ARHGEF19: variants seen among roughly 807,000 people sequenced by gnomAD.
ARHGEF19 encodes Rho guanine nucleotide exchange factor 19, also known as Rho guanine nucleotide exchange factor (GEF) 19.
Under a neutral mutation model 87.6 loss-of-function variants are expected in ARHGEF19, and 92 were observed. That is an observed-to-expected ratio of 1.05 (90% CI 0.89 to 1.25). The LOEUF is 1.25. ARHGEF19 is among the 50% of genes most tolerant of loss of function. ARHGEF19 has a pLI of 0.00. For synonymous variants in ARHGEF19, 438 were observed against 446.2 expected (o/e 0.98, Z 0.23); for missense variants, 1,054 against 1,051.8 (o/e 1.00, Z -0.03).
In ARHGEF19 at chr1:16,208,926, C is replaced by A; in HGVS notation, c.129G>T (p.Pro43=). The change falls in exon 2 of 16, where the codon CCG becomes CCT. Residue 43 remains proline (P), a synonymous_variant. Transcript: ENST00000270747. ...GGAAAAGGTCCAGACACACTGGGCTCGGGGGCTTCAGGGCGGGCAGCTCTG... is the reference window on the plus strand; with the variant it reads ...GGAAAAGGTCCAGACACACTGGGCTAGGGGGCTTCAGGGCGGGCAGCTCTG... ...SFAELPALKP[P]SPVCLDLFPV... 6.3e-7 allele frequency: 1 copy of A among 1,585,858 alleles called. No individual in the cohort carries two copies. The highest frequency in any genetic ancestry group is 1.1e-5 in the South Asian group (1 of 88,542).
At position 16,203,087 on chromosome 1, in the gene ARHGEF19, G is replaced by A. The variant is rs559479889; in HGVS notation, c.1908-513C>T. Among the ~76,000 whole-genome samples the A allele has an allele frequency of 5.3e-5, 8 of 152,158 alleles. No individual in the cohort carries two copies. In the South Asian group the frequency reaches 1.5e-3, roughly 28 times the overall value. On this transcript the variant is annotated intron_variant, in intron 12 of 15. Transcript: ENST00000270747. ...CTCTCTTCCAGTATATAAGCCCCAC[G>A]AAGGCTGAGCCTCGTCTCTTTGCCA... is the stretch of plus-strand genomic sequence containing the variant.
chr1:16,208,646 C>A lies in ARHGEF19; in HGVS notation c.409G>T (p.Ala137Ser). 6.2e-7 allele frequency: 1 copy of A among 1,602,310 alleles called. No individual in the cohort carries two copies. Among genetic ancestry groups the A allele is most frequent in the Non-Finnish European group, 8.5e-7 (1 of 1,176,342 alleles). ...CGCCTTCCCCAGGGTGACTCACAGG[C>A]AGACTTCTTCTCCGAGCCGTGGCTG... ...RASHGSEKKS[A>S]WRKMRVYQRE... Residue 137 changes from alanine to serine, a missense_variant, in exon 2 of 16, where the codon GCC becomes TCC. Ala to Ser is a moderately conservative substitution (Grantham distance 99). Transcript: ENST00000270747.
Position 16,207,488 on chromosome 1 carries a change from G to T in ARHGEF19, c.874+34C>A. ...TTTCCACACCGCAGCCCCTTCCTCC[G>T]TTACCTCCTCCCAGGGACCCCCCTC... On this transcript the variant is annotated intron_variant, in intron 5 of 15. Transcript: ENST00000270747. This position sits in a 1 kb window ranked among gnomAD's most constrained non-coding sequence, Gnocchi z 4.0. 1 of 1,610,680 alleles carries T rather than the reference G, an allele frequency of 6.2e-7. No individual in the cohort carries two copies. The highest frequency in any genetic ancestry group is 8.5e-7 in the Non-Finnish European group (1 of 1,177,560).
intron 12 of ARHGEF19, 152 bp downstream of exon 12, chr1:16,204,607 A>T: frequency 1.1e-6 from 1 of 883,668 alleles, no homozygotes; most frequent in Non-Finnish European, 1.6e-6. Context: ...CCTTTGCTTC[A>T]GGAGCCTCCA....
Position 16,208,785 on chromosome 1 carries a change from G to T in ARHGEF19, c.270C>A (p.Thr90=), listed in dbSNP as rs1368098731. The stretch of plus-strand genomic sequence containing the variant: ...CCCTGCTGGGCCGCATCCCCCCGCT[G>T]GTGATCTCTGTATCTGAGCCTCCTG... ...LSPGGSDTEI[T]SGGMRPSRAG... Residue 90 remains threonine, a synonymous_variant, in exon 2 of 16, where the codon ACC becomes ACA. Coordinates refer to ENST00000270747, the MANE Select transcript of ARHGEF19 (RefSeq NM_153213.5). 6.2e-7 allele frequency: 1 copy of T among 1,613,436 alleles called. No homozygotes were observed. Among genetic ancestry groups the T allele is most frequent in the Non-Finnish European group, 8.5e-7 (1 of 1,179,832 alleles).
Position 16,207,248 on chromosome 1 carries a change from C to T in ARHGEF19, c.875-38G>A, listed in dbSNP as rs3738627. 6.8e-6 allele frequency: 10 copies of T among 1,471,560 alleles called. No homozygotes were observed. The Admixed American group carries it at 2.0e-4, about 30-fold the overall frequency. 91.2% of individuals were successfully genotyped at this position (1,471,560 alleles called of 1,614,324 possible). On this transcript the variant is annotated intron_variant, in intron 5 of 15. Transcript: ENST00000270747. The surrounding 1 kb of genome is among the most constrained non-coding windows in gnomAD (Gnocchi z 4.0). The stretch of plus-strand genomic sequence containing the variant: ...CGGGCGGGGGAGAGCGTGGGGCGCC[C>T]GCCAGCCCCTGCCCGGCTTTTCCTC...
Position 16,198,405 on chromosome 1 carries a change from C to T in ARHGEF19, c.*182G>A. The T allele has an allele frequency of 3.4e-6, 2 of 585,778 alleles. No individual in the cohort carries two copies. The highest frequency in any genetic ancestry group is 6.7e-5 in the Admixed American group (2 of 29,698). 36.3% of individuals were successfully genotyped at this position (585,778 alleles called of 1,614,324 possible). Reference sequence around the variant, plus strand: ...GCCTTGAAGTGTGGACACTGAGGAGCATGAGGACGGAGAGACCCTCTGGAG... The same window carrying T: ...GCCTTGAAGTGTGGACACTGAGGAGTATGAGGACGGAGAGACCCTCTGGAG... On this transcript the variant is annotated 3_prime_UTR_variant, in exon 16 of 16. Coordinates refer to ENST00000270747, the MANE Select transcript of ARHGEF19 (RefSeq NM_153213.5). The surrounding 1 kb of genome is among the most constrained non-coding windows in gnomAD (Gnocchi z 4.1).
chr1:16,207,753 C>G lies in ARHGEF19; in HGVS notation c.719G>C (p.Arg240Pro), dbSNP rs777439419. ...CCGGTCCCCGCTCATCTCTACACTT[C>G]GAGCCTCCATTCCAGATGCTTTCCC... The part of the protein sequence containing the change: ...REGKASGMEA[R>P]SVEMSGDRVS... Residue 240 changes from arginine to proline, a missense_variant, in exon 4 of 16, where the codon CGA becomes CCA. Coordinates refer to ENST00000270747, the MANE Select transcript of ARHGEF19 (RefSeq NM_153213.5). The surrounding 1 kb of genome is among the most constrained non-coding windows in gnomAD (Gnocchi z 4.0). The G allele has an allele frequency of 1.9e-6, 3 of 1,614,036 alleles. No homozygotes were observed. Among genetic ancestry groups the G allele is most frequent in the East Asian group, 2.2e-5 (1 of 44,878 alleles).
At chr1:16,200,095 G>A (rs1357026934) in intron 14 of ARHGEF19, among the ~76,000 whole-genome samples, 1 of 152,180 alleles carries the variant, frequency 6.6e-6, no homozygotes, top group Non-Finnish European at 1.5e-5. Flanking sequence ...CCCCACCCAG[G>A]TGGGACTCCT....
chr1:16,207,116 G>GC lies in ARHGEF19; in HGVS notation c.968dup (p.Ala324ArgfsTer60). ...GCGGCGGCCCCGGCCCCTCCTCTGC[G>GC]CCCTCGGCCTCGTCCCCCGGGCCCT... On this transcript the variant is annotated frameshift_variant, in exon 6 of 16. Transcript: ENST00000270747. LOFTEE classifies it high-confidence loss of function. This position sits in a 1 kb window ranked among gnomAD's most constrained non-coding sequence, Gnocchi z 4.0. 1 of 1,516,158 alleles carries GC rather than the reference G, an allele frequency of 6.6e-7. No individual in the cohort carries two copies. Among genetic ancestry groups the GC allele is most frequent in the Non-Finnish European group, 8.8e-7 (1 of 1,136,294 alleles). 93.9% of individuals were successfully genotyped at this position (1,516,158 alleles called of 1,614,324 possible). A position where few individuals can be genotyped will look rare whatever the true frequency, so the allele number is the denominator to read the frequency against.
At chr1:16,200,317 G>A (rs1272600712) in intron 14 of ARHGEF19, among the ~76,000 whole-genome samples, 1 of 152,246 alleles carries the variant, frequency 6.6e-6, no homozygotes, top group Admixed American at 6.5e-5. Context: ...GTTGCCATGA[G>A]GATTAAATTA....
In ARHGEF19 at chr1:16,208,090, G is replaced by A; in HGVS notation, c.548C>T (p.Ser183Phe). 2.5e-6 allele frequency: 4 copies of A among 1,614,038 alleles called. No individual in the cohort carries two copies. Among genetic ancestry groups the A allele is most frequent in the Non-Finnish European group, 3.4e-6 (4 of 1,180,030 alleles). Reference sequence around the variant, plus strand: ...AGGACCTTCGAGGCTCACTCGGGTGGACCCAGACAACTCCACCCTGGGCTC... The same window carrying A: ...AGGACCTTCGAGGCTCACTCGGGTGAACCCAGACAACTCCACCCTGGGCTC... ...TEEPRVELSG[S>F]TRVSLEGPER... The change falls in exon 3 of 16, where the codon TCC (serine) becomes TTC (phenylalanine). Residue 183 changes from serine (S) to phenylalanine (F), a missense_variant. Ser to Phe is a radical substitution (Grantham distance 155, BLOSUM62 -2). Coordinates refer to ENST00000270747, the MANE Select transcript of ARHGEF19 (RefSeq NM_153213.5).
At chr1:16,203,080 G>A (rs2081097531) in intron 12 of ARHGEF19, among the ~76,000 whole-genome samples, 1 of 152,028 alleles carries the variant, frequency 6.6e-6, no homozygotes, top group African/African-American at 2.4e-5. Context: ...CAGTATATAA[G>A]CCCCACGAAG....
rs547796554 is a variant in ARHGEF19 at position 16,202,834 on chromosome 1, C to A, written c.1908-260G>T. The stretch of plus-strand genomic sequence containing the variant: ...CCCCAAGCACACTTTTGACCTTTCT[C>A]TCTCTCTTTTTTTTGTTTTTTTATT... On this transcript the variant is annotated intron_variant, in intron 12 of 15. Transcript: ENST00000270747. Among the ~76,000 whole-genome samples the A allele has an allele frequency of 3.9e-5, 6 of 152,124 alleles. No individual in the cohort carries two copies. The South Asian group carries it at 1.2e-3, about 32-fold the overall frequency.
In ARHGEF19 at chr1:16,207,884, C is replaced by CG; in HGVS notation, c.694+59_694+60insC. ...TCAGGCGGCCGGTGAGTGGGCATCG[C>CG]CCACCCCCACCCCCACCCGGCATCT... On this transcript the variant is annotated intron_variant, in intron 3 of 15. Transcript: ENST00000270747. This position sits in a 1 kb window ranked among gnomAD's most constrained non-coding sequence, Gnocchi z 4.0. 282 of 882,502 alleles carry CG rather than the reference C, an allele frequency of 3.2e-4. No individual in the cohort carries two copies. The highest frequency in any genetic ancestry group is 4.5e-4 in the Non-Finnish European group (258 of 572,462). The allele number at this position is 882,502 out of a possible 1,614,324, so 54.7% of individuals were successfully genotyped here.
rs761195322 is a variant in ARHGEF19 at position 16,208,750 on chromosome 1, C to T, written c.305G>A (p.Trp102Ter). The change falls in exon 2 of 16, where the codon TGG becomes TAG. Residue 102 changes from tryptophan (W) to a stop codon, truncating the protein, a stop_gained. Transcript: ENST00000270747. LOFTEE classifies it high-confidence loss of function. ...GGGCTGGGCACCAGGACAGTGTGGCCAGCTGCCAGCCCTGCTGGGCCGCAT... is the reference window on the plus strand; with the variant it reads ...GGGCTGGGCACCAGGACAGTGTGGCTAGCTGCCAGCCCTGCTGGGCCGCAT... ...GGMRPSRAGS[W>*]PHCPGAQPPA... 1 of 1,611,984 alleles carries T rather than the reference C, an allele frequency of 6.2e-7. No individual in the cohort carries two copies. The highest frequency in any genetic ancestry group is 8.5e-7 in the Non-Finnish European group (1 of 1,179,308).
chr1:16,209,145 C>A, intron 1 of ARHGEF19, 62 bp from the exon 2 acceptor site: 1 of 1,297,880 alleles, frequency 7.7e-7, no homozygotes, highest in Non-Finnish European at 1.0e-6. Context: ...TAAGCCACCA[C>A]CCCTGGAGGC....
intron 1 of ARHGEF19, among the ~76,000 whole-genome samples, chr1:16,211,185 C>T (rs1021327527): frequency 6.6e-6 from 1 of 152,230 alleles, no homozygotes; most frequent in African/African-American, 2.4e-5. Flanking sequence ...CAGAAGGCAG[C>T]TCAGGCCTTC....
Position 16,208,855 on chromosome 1 carries a change from AG to A in ARHGEF19, c.199del (p.Leu67TrpfsTer94). On this transcript the variant is annotated frameshift_variant, in exon 2 of 16. Transcript: ENST00000270747. LOFTEE classifies it high-confidence loss of function. Reference protein sequence around the residue: ...ELRAPGSRWSLGTPAPLQGLL... With the variant: ...ELRAPGSRWSXGTPAPLQGLL... ...CCCTTGGAGAGGGGCAGGGGTCCCCAGGGACCAGCGGCTGCCAGGAGCCCGA... is the reference window on the plus strand; with the variant it reads ...CCCTTGGAGAGGGGCAGGGGTCCCCAGGACCAGCGGCTGCCAGGAGCCCGA... The A allele has an allele frequency of 6.2e-7, 1 of 1,608,250 alleles. No homozygotes were observed. Among genetic ancestry groups the A allele is most frequent in the Non-Finnish European group, 8.5e-7 (1 of 1,178,302 alleles).
Sources: allele counts gnomAD v4.1 joint callset (sites outside exome capture counted in the v4.1 genomes callset), GRCh38; gene constraint gnomAD v4.1.1; non-coding constraint Gnocchi (gnomAD v3.1); transcripts MANE v1.5; gene names NCBI Gene and HGNC (gene_info 2026-07-23, HGNC 2026-07-21).